ACVR1B: variants seen among roughly 807,000 people sequenced by gnomAD.
ACVR1B encodes the protein activin receptor type-1B.
A neutral mutation model predicts 55.6 loss-of-function variants in ACVR1B; 15 were observed. The observed-to-expected ratio is 0.27, with a 90% CI of 0.18 to 0.42. ACVR1B has a LOEUF of 0.42. ACVR1B is among the 10% of genes least tolerant of loss of function. The probability of loss-of-function intolerance (pLI) is 1.00; values close to 1 mark genes in which losing one functional copy is unlikely to be tolerated. For missense variants in ACVR1B, 359 were observed against 670.1 expected, an observed-to-expected ratio of 0.54 and a Z score of 5.13; for synonymous variants, 247 against 254.6, an observed-to-expected ratio of 0.97 and a Z score of 0.28.
At chr12:51,979,593 TA>T (rs1314690609) in intron 3 of ACVR1B, among the ~76,000 whole-genome samples, 10 of 152,172 alleles carry the variant, frequency 6.6e-5, no homozygotes, top group African/African-American at 2.4e-4. Flanking sequence ...AGGTCCACTG[TA>T]TGTTTAAAGA....
At chr12:51,967,253 A>G (rs531774186) in intron 1 of ACVR1B, among the ~76,000 whole-genome samples, 7 of 150,742 alleles carry the variant, frequency 4.6e-5, no homozygotes, top group Admixed American at 4.0e-4. Context: ...AAAAAACCAA[A>G]CAAACAAACA....
chr12:51,953,464 A>G, intron 1 of ACVR1B: 3 of 985,382 alleles, frequency 3.0e-6, no homozygotes, highest in African/African-American at 3.5e-5. Flanking sequence ...TTTGAGAAAC[A>G]TGGTGAAGGT....
At chr12:51,954,156 A>G (rs1941365881) in intron 1 of ACVR1B, among the ~76,000 whole-genome samples, 1 of 152,208 alleles carries the variant, frequency 6.6e-6, no homozygotes, top group Non-Finnish European at 1.5e-5. Flanking sequence ...GAGGAGTGAC[A>G]GAGCCAGACA....
chr12:51,987,203 A>G (rs1189333959), intron 7 of ACVR1B: 6 of 676,076 alleles, frequency 8.9e-6, no homozygotes, highest in Admixed American at 2.3e-5. Flanking sequence ...ACAAACAAAC[A>G]TTGTTTTATT....
intron 1 of ACVR1B, among the ~76,000 whole-genome samples, chr12:51,965,963 C>T (rs1251286455): frequency 6.6e-6 from 1 of 151,838 alleles, no homozygotes; most frequent in Non-Finnish European, 1.5e-5. Flanking sequence ...GTGTGTGTGC[C>T]AGAATCTGTG....
intron 3 of ACVR1B, among the ~76,000 whole-genome samples, chr12:51,980,572 T>C (rs1054641100): frequency 2.6e-5 from 4 of 152,202 alleles, no homozygotes; most frequent in African/African-American, 7.2e-5. Flanking sequence ...GCCCACACTT[T>C]CATGTTCTCT....
chr12:51,993,954 C>G (rs2120771692), intron 8 of ACVR1B, 31 bp from the exon 9 acceptor site: 1 of 1,612,296 alleles, frequency 6.2e-7, no homozygotes, highest in South Asian at 1.1e-5. Context: ...CAGGGCATGA[C>G]CGAGCTGATG....
chr12:51,974,911 T>G (rs1941818042), intron 1 of ACVR1B, among the ~76,000 whole-genome samples: 3 of 152,178 alleles, frequency 2.0e-5, no homozygotes, highest in Non-Finnish European at 4.4e-5. Context: ...GGGCTGGTGA[T>G]AGCTCCAGGA....
intron 7 of ACVR1B, among the ~76,000 whole-genome samples, chr12:51,989,813 G>A (rs1035515092): frequency 1.0e-3 from 155 of 152,012 alleles, no homozygotes; most frequent in African/African-American, 3.3e-3. Context: ...GTGAAACCCC[G>A]TCTGTACTAA....
intron 5 of ACVR1B, among the ~76,000 whole-genome samples, chr12:51,984,947 T>G (rs1349390866): frequency 6.6e-6 from 1 of 152,244 alleles, no homozygotes; most frequent in African/African-American, 2.4e-5. Flanking sequence ...ACACATGTCC[T>G]TCTATGGTCG....
intron 1 of ACVR1B, among the ~76,000 whole-genome samples, chr12:51,960,604 G>A (rs985371294): frequency 6.6e-6 from 1 of 152,140 alleles, no homozygotes; most frequent in African/African-American, 2.4e-5. Context: ...TTCTTTGAGG[G>A]GCTAGGGGCT....
At chr12:51,993,578 C>T (rs901350009) in intron 8 of ACVR1B, among the ~76,000 whole-genome samples, 1 of 151,794 alleles carries the variant, frequency 6.6e-6, no homozygotes, top group Non-Finnish European at 1.5e-5. Flanking sequence ...TCCTGGCCAA[C>T]CAATATGGTA....
intron 2 of ACVR1B, 122 bp downstream of exon 2, chr12:51,975,626 C>G: frequency 7.5e-7 from 1 of 1,326,432 alleles, no homozygotes; most frequent in Non-Finnish European, 1.0e-6. Flanking sequence ...TTGGATGTTC[C>G]CGAAGGTGAC....
chr12:51,951,959 G>A (rs1941305856), intron 1 of ACVR1B, 125 bp downstream of exon 1: 1 of 485,632 alleles, frequency 2.1e-6, no homozygotes, highest in Non-Finnish European at 3.2e-6. Flanking sequence ...CGGGTGGGGG[G>A]CGCAGAGGAG....
At chr12:51,964,541 T>G (rs1282468701) in intron 1 of ACVR1B, among the ~76,000 whole-genome samples, 4 of 152,352 alleles carry the variant, frequency 2.6e-5, no homozygotes, top group East Asian at 3.9e-4. Flanking sequence ...CATTGCCAAA[T>G]CCAAGTTCAT....
At chr12:51,984,564 T>C (rs1942043443) in intron 5 of ACVR1B, among the ~76,000 whole-genome samples, 1 of 152,234 alleles carries the variant, frequency 6.6e-6, no homozygotes, top group Non-Finnish European at 1.5e-5. Context: ...GACAGCTGGC[T>C]TAAAGGCCAC....
At position 51,980,961 on chromosome 12, in the gene ACVR1B, G is replaced by A. The variant is rs1201906661; in HGVS notation, c.581-8G>A. The A allele has an allele frequency of 6.3e-7, 1 of 1,587,438 alleles. No homozygotes were observed. Among genetic ancestry groups the A allele is most frequent in the African/African-American group, 1.4e-5 (1 of 74,060 alleles). ...ATGTCAGGTTTCTTCCTATTCTTTGGTTCACAGGGTTACCCCTCTTTGTCC... is the reference window on the plus strand; with the variant it reads ...ATGTCAGGTTTCTTCCTATTCTTTGATTCACAGGGTTACCCCTCTTTGTCC... On this transcript the variant is annotated splice_polypyrimidine_tract_variant and splice_region_variant and intron_variant, in intron 3 of 8. Coordinates refer to ENST00000257963, the MANE Select transcript of ACVR1B (RefSeq NM_004302.5).
chr12:51,992,153 TACAGTCTCTTGTCC>T, intron 8 of ACVR1B, 160 bp downstream of exon 8: 3 of 925,844 alleles, frequency 3.2e-6, no homozygotes, highest in Non-Finnish European at 4.8e-6. Flanking sequence ...CCTTTAGGGC[TACAGTCTCTTGTCC>T]TGGACCCTGT....
Position 51,994,182 on chromosome 12 carries a change from G to A in ACVR1B, c.*72G>A, listed in dbSNP as rs1565624921. The A allele has an allele frequency of 6.3e-7, 1 of 1,576,686 alleles. No individual in the cohort carries two copies. Among genetic ancestry groups the A allele is most frequent in the Non-Finnish European group, 8.6e-7 (1 of 1,165,142 alleles). On this transcript the variant is annotated 3_prime_UTR_variant, in exon 9 of 9. Coordinates refer to ENST00000257963, the MANE Select transcript of ACVR1B (RefSeq NM_004302.5). The surrounding 1 kb of genome is among the most constrained non-coding windows in gnomAD (Gnocchi z 4.2). ...CAGCTGCCGCGTTGAGCGTACGATG[G>A]AGGCCTACCTCTCGTTTCTGCCCAG...
Sources: gnomAD v4.1 joint callset for allele counts (sites outside exome capture counted in the v4.1 genomes callset) on GRCh38, gnomAD v4.1.1 for gene constraint, Gnocchi (gnomAD v3.1) non-coding constraint, MANE v1.5 for transcripts, NCBI Gene and HGNC (gene_info 2026-07-23, HGNC 2026-07-21) for gene names.